FAM151B: variants seen among roughly 807,000 people sequenced by gnomAD.
The protein encoded by FAM151B is family with sequence similarity 151 member B, also known as protein FAM151B.
FAM151B carries 24 observed loss-of-function variants against 31.2 expected under a neutral mutation model. The observed-to-expected ratio is 0.77, with a 90% CI of 0.56 to 1.08. The LOEUF (loss-of-function observed/expected upper bound fraction) is 1.08. Among genes scored for constraint, FAM151B ranks in the 50% least tolerant of loss-of-function variants. The pLI, the probability that FAM151B is intolerant of heterozygous loss-of-function variation, is 0.00. For synonymous variants in FAM151B, 105 were observed against 111.4 expected (o/e 0.94, Z 0.36); for missense variants, 293 against 328.6 (o/e 0.89, Z 0.84).
chr5:80,538,691 G>C (rs1745718124), intron 5 of FAM151B, among the ~76,000 whole-genome samples: 1 of 151,012 alleles, frequency 6.6e-6, no homozygotes, highest in Admixed American at 6.6e-5. Flanking sequence ...CTGCTTCCTA[G>C]GTTCAAGTGA....
At chr5:80,503,682 T>A (rs1039053513) in intron 2 of FAM151B, among the ~76,000 whole-genome samples, 1 of 152,034 alleles carries the variant, frequency 6.6e-6, no homozygotes, top group Non-Finnish European at 1.5e-5. Flanking sequence ...ACTTAAAAAA[T>A]TTTACAATTT....
At chr5:80,499,234 TC>T (rs1472869371) in intron 1 of FAM151B, among the ~76,000 whole-genome samples, 3 of 152,196 alleles carry the variant, frequency 2.0e-5, no homozygotes, top group Non-Finnish European at 4.4e-5. Context: ...ATGGAATAGA[TC>T]TGGGTTCAGA....
chr5:80,532,371 A>T (rs2112666024), intron 5 of FAM151B, among the ~76,000 whole-genome samples: 1 of 152,052 alleles, frequency 6.6e-6, no homozygotes, highest in African/African-American at 2.4e-5. Flanking sequence ...AAGTATAATA[A>T]AAAAAAATGT....
rs1365591136 is a variant in FAM151B at position 80,488,117 on chromosome 5, C to T, written c.-7C>T. 4 of 1,541,874 alleles carry T rather than the reference C, an allele frequency of 2.6e-6. No homozygotes were observed. In the African/African-American group the frequency reaches 4.1e-5, roughly 16 times the overall value. On this transcript the variant is annotated 5_prime_UTR_variant, in exon 1 of 6. Transcript: ENST00000282226. ...GGGCGCCTGCGCGGACGGCGGGCGTCGTCACCATGGCAGCATCCGCTGGAG... is the reference window on the plus strand; with the variant it reads ...GGGCGCCTGCGCGGACGGCGGGCGTTGTCACCATGGCAGCATCCGCTGGAG...
intron 5 of FAM151B, among the ~76,000 whole-genome samples, chr5:80,539,157 C>T (rs915539058): frequency 2.6e-5 from 4 of 151,842 alleles, no homozygotes; most frequent in African/African-American, 4.8e-5. Flanking sequence ...ACATTGTTTT[C>T]GTGAATAACC....
intron 5 of FAM151B, among the ~76,000 whole-genome samples, chr5:80,536,189 G>C (rs922301165): frequency 1.3e-5 from 2 of 151,394 alleles, no homozygotes. Flanking sequence ...TTGTTTTTTT[G>C]AGATGGAGTC....
intron 2 of FAM151B, among the ~76,000 whole-genome samples, chr5:80,509,272 C>T (rs1744097687): frequency 6.6e-6 from 1 of 152,126 alleles, no homozygotes; most frequent in South Asian, 2.1e-4. Context: ...AGCCACCACT[C>T]TGGCTTCATG....
intron 1 of FAM151B, chr5:80,498,864 C>T (rs920141859): frequency 2.9e-5 from 11 of 379,446 alleles, no homozygotes; most frequent in Admixed American, 1.8e-4. Context: ...AGCAGAGATC[C>T]GTCTTTGCTG....
intron 5 of FAM151B, among the ~76,000 whole-genome samples, chr5:80,532,956 A>G (rs1235482980): frequency 6.6e-6 from 1 of 152,230 alleles, no homozygotes; most frequent in Admixed American, 6.5e-5. Context: ...ACAAATGATA[A>G]TGGAAACACA....
chr5:80,522,976 A>C (rs1744789740), intron 5 of FAM151B, among the ~76,000 whole-genome samples: 1 of 152,178 alleles, frequency 6.6e-6, no homozygotes, highest in Non-Finnish European at 1.5e-5. Context: ...CTGACTTTTC[A>C]GATCTTTGGA....
chr5:80,502,661 A>G (rs1743789664), intron 2 of FAM151B, among the ~76,000 whole-genome samples: 1 of 152,208 alleles, frequency 6.6e-6, no homozygotes, highest in South Asian at 2.1e-4. Flanking sequence ...GAAAGAAAGC[A>G]TATCACTACA....
chr5:80,498,654 A>G, intron 1 of FAM151B: 1 of 693,628 alleles, frequency 1.4e-6, no homozygotes, highest in South Asian at 1.4e-5. Context: ...AAGGTGTCTA[A>G]TTTTGCCATT....
intron 5 of FAM151B, among the ~76,000 whole-genome samples, chr5:80,541,243 G>A: frequency 6.6e-6 from 1 of 152,210 alleles, no homozygotes; most frequent in East Asian, 1.9e-4. Context: ...ATGATTCTAA[G>A]TATTGTGGAT....
chr5:80,534,319 A>G (rs1368992139), intron 5 of FAM151B, among the ~76,000 whole-genome samples: 2 of 152,148 alleles, frequency 1.3e-5, no homozygotes, highest in Admixed American at 6.5e-5. Flanking sequence ...AAACCTACAA[A>G]TCAATATTAC....
chr5:80,529,062 T>G (rs1745106197), intron 5 of FAM151B, among the ~76,000 whole-genome samples: 1 of 152,126 alleles, frequency 6.6e-6, no homozygotes, highest in Non-Finnish European at 1.5e-5. Flanking sequence ...GCAATCAAAC[T>G]ACAACTCAGG....
chr5:80,514,476 AAATAATAATAATAATAAT>A (rs139355800), intron 3 of FAM151B, among the ~76,000 whole-genome samples: 12 of 139,340 alleles, frequency 8.6e-5, no homozygotes, highest in Middle Eastern at 3.8e-3. Flanking sequence ...ACTCCCTCTC[AAATAATAATAATAATAAT>A]AATAATAATA....
intron 1 of FAM151B, chr5:80,500,218 A>G (rs576727451): frequency 7.5e-6 from 4 of 529,962 alleles, no homozygotes; most frequent in East Asian, 3.1e-5. Context: ...ACAGAAATAG[A>G]TGACAAAACA....
At chr5:80,499,212 T>C (rs1045301887) in intron 1 of FAM151B, among the ~76,000 whole-genome samples, 1 of 152,180 alleles carries the variant, frequency 6.6e-6, no homozygotes, top group Non-Finnish European at 1.5e-5. Flanking sequence ...TTCTTTTATG[T>C]TATGATATAG....
At chr5:80,530,848 G>A (rs1745208667) in intron 5 of FAM151B, among the ~76,000 whole-genome samples, 1 of 152,094 alleles carries the variant, frequency 6.6e-6, no homozygotes, top group East Asian at 1.9e-4. Context: ...TCACCATCAA[G>A]CTACCAATGA....
Sources: allele counts gnomAD v4.1 joint callset (sites outside exome capture counted in the v4.1 genomes callset), GRCh38; gene constraint gnomAD v4.1.1; transcripts MANE v1.5; gene names NCBI Gene and HGNC (gene_info 2026-07-23, HGNC 2026-07-21).